The following VAT1L variants were observed in gnomAD, a reference collection of about 807,000 sequenced individuals.
The protein encoded by VAT1L is vesicle amine transport 1 like.
VAT1L carries 34 observed loss-of-function variants against 44.1 expected under a neutral mutation model. The ratio of observed to expected loss-of-function variants is 0.77; its 90% CI spans 0.59 to 1.03. VAT1L has a LOEUF of 1.03. VAT1L is among the 50% of genes least tolerant of loss of function. The pLI is 0.00. For synonymous variants in VAT1L, 253 were observed against 202.2 expected, an observed-to-expected ratio of 1.25 and a Z score of -2.13; for missense variants, 615 against 538.8, an observed-to-expected ratio of 1.14 and a Z score of -1.40.
intron 7 of VAT1L, among the ~76,000 whole-genome samples, chr16:77,901,453 C>T (rs1406161456): frequency 6.6e-6 from 1 of 152,056 alleles, no homozygotes; most frequent in East Asian, 1.9e-4. Flanking sequence ...CGTGAGCCAC[C>T]GTGCCTGGCC....
intron 1 of VAT1L, among the ~76,000 whole-genome samples, chr16:77,789,702 A>C (rs999854524): frequency 6.6e-6 from 1 of 151,652 alleles, no homozygotes; most frequent in Non-Finnish European, 1.5e-5. Context: ...AGGGGAAAAA[A>C]CCCTGATCAG....
At chr16:77,907,278 G>A (rs1447817226) in intron 7 of VAT1L, among the ~76,000 whole-genome samples, 1 of 152,186 alleles carries the variant, frequency 6.6e-6, no homozygotes, top group Admixed American at 6.5e-5. Context: ...AGAGTTGGCT[G>A]ACAATACGAT....
At chr16:77,804,698 T>A (rs1179702127) in intron 1 of VAT1L, among the ~76,000 whole-genome samples, 1 of 152,154 alleles carries the variant, frequency 6.6e-6, no homozygotes, top group Admixed American at 6.5e-5. Flanking sequence ...CCCTTCCATC[T>A]TTTTTCCTCT....
chr16:77,847,653 ATTC>A (rs1457633588), intron 3 of VAT1L, among the ~76,000 whole-genome samples: 1 of 152,192 alleles, frequency 6.6e-6, no homozygotes, highest in East Asian at 1.9e-4. Context: ...CATGTAAGAA[ATTC>A]TTCTTGTGCA....
chr16:77,852,770 G>A (rs2016820083), intron 3 of VAT1L, among the ~76,000 whole-genome samples: 1 of 152,152 alleles, frequency 6.6e-6, no homozygotes, highest in South Asian at 2.1e-4. Flanking sequence ...TACAGCATAA[G>A]GCAGTGGTTA....
intron 3 of VAT1L, among the ~76,000 whole-genome samples, chr16:77,833,946 GT>G (rs2016611059): frequency 6.6e-6 from 1 of 152,094 alleles, no homozygotes; most frequent in African/African-American, 2.4e-5. Flanking sequence ...ATTCACTGCT[GT>G]TTTACTTCTG....
intron 7 of VAT1L, among the ~76,000 whole-genome samples, chr16:77,965,572 C>A (rs974882854): frequency 1.3e-5 from 2 of 152,226 alleles, no homozygotes; most frequent in African/African-American, 4.8e-5. Flanking sequence ...AATCCAGAAT[C>A]CCAGCCCTGG....
At chr16:77,826,108 G>A (rs1195621494) in intron 3 of VAT1L, among the ~76,000 whole-genome samples, 1 of 148,026 alleles carries the variant, frequency 6.8e-6, no homozygotes, top group Non-Finnish European at 1.5e-5. Context: ...TTGGGAGGCT[G>A]AGGCAGGAGA....
chr16:77,789,989 C>T (rs2015803555), intron 1 of VAT1L, among the ~76,000 whole-genome samples: 1 of 152,286 alleles, frequency 6.6e-6, no homozygotes, highest in African/African-American at 2.4e-5. Flanking sequence ...TATTCCTTCC[C>T]ATCTGTTTTC....
At chr16:77,850,670 T>G (rs769885730) in intron 3 of VAT1L, among the ~76,000 whole-genome samples, 3 of 152,192 alleles carry the variant, frequency 2.0e-5, no homozygotes, top group Non-Finnish European at 2.9e-5. Flanking sequence ...TTCTTTTGGT[T>G]GAAAGAGACG....
At chr16:77,971,993 A>G (rs2018283612) in intron 8 of VAT1L, 60 bp downstream of exon 8, 2 of 1,516,670 alleles carry the variant, frequency 1.3e-6, no homozygotes, top group Admixed American at 3.7e-5. Context: ...CGGGTCAATC[A>G]GATGCAGACA....
intron 7 of VAT1L, among the ~76,000 whole-genome samples, chr16:77,904,973 A>C (rs1457471945): frequency 6.6e-6 from 1 of 152,192 alleles, no homozygotes; most frequent in African/African-American, 2.4e-5. Flanking sequence ...CAAGGAAAAA[A>C]ACAACTGGTG....
At chr16:77,858,804 G>A (rs2016886546) in intron 3 of VAT1L, among the ~76,000 whole-genome samples, 2 of 152,088 alleles carry the variant, frequency 1.3e-5, no homozygotes, top group South Asian at 4.2e-4. Flanking sequence ...TTCTAGACCA[G>A]CCTGGGTAAC....
intron 3 of VAT1L, among the ~76,000 whole-genome samples, chr16:77,830,952 G>A (rs1355033503): frequency 2.0e-5 from 3 of 152,188 alleles, no homozygotes; most frequent in Admixed American, 2.0e-4. Flanking sequence ...CCAAAGTGCT[G>A]GGATTACAGG....
intron 3 of VAT1L, among the ~76,000 whole-genome samples, chr16:77,832,245 A>G (rs995836575): frequency 6.6e-6 from 1 of 152,126 alleles, no homozygotes; most frequent in Non-Finnish European, 1.5e-5. Flanking sequence ...CCTCTCGGTA[A>G]AACTAAAGTT....
chr16:77,869,542 A>T (rs549057053), intron 4 of VAT1L, among the ~76,000 whole-genome samples: 1 of 152,232 alleles, frequency 6.6e-6, no homozygotes, highest in South Asian at 2.1e-4. Context: ...AGTGGTGTAC[A>T]CCTGTAGTCC....
chr16:77,841,174 G>A (rs2016700756), intron 3 of VAT1L, among the ~76,000 whole-genome samples: 2 of 152,144 alleles, frequency 1.3e-5, no homozygotes, highest in South Asian at 4.1e-4. Flanking sequence ...TCAACTTTCT[G>A]GGCTCAAACA....
chr16:77,886,580 A>G (rs2017211674), intron 7 of VAT1L, among the ~76,000 whole-genome samples: 1 of 152,222 alleles, frequency 6.6e-6, no homozygotes, highest in Non-Finnish European at 1.5e-5. Context: ...TTACTGAACA[A>G]CAACTATGTG....
chr16:77,801,132 T>C (rs1454239360), intron 1 of VAT1L: 1 of 152,140 alleles, frequency 6.6e-6, no homozygotes, highest in African/African-American at 2.4e-5. Flanking sequence ...CCTGGCCCCA[T>C]AGTAGCCTTT....
Sources: gnomAD v4.1 joint callset for allele counts (sites outside exome capture counted in the v4.1 genomes callset) on GRCh38, gnomAD v4.1.1 for gene constraint, MANE v1.5 for transcripts, NCBI Gene and HGNC (gene_info 2026-07-23, HGNC 2026-07-21) for gene names.